USP46: variants seen among roughly 807,000 people sequenced by gnomAD.
The protein encoded by USP46 is ubiquitin specific peptidase 46.
A neutral mutation model predicts 44.4 loss-of-function variants in USP46; 12 were observed. The ratio of observed to expected loss-of-function variants is 0.27; its 90% CI spans 0.17 to 0.44. USP46 has a LOEUF of 0.44. Among genes scored for constraint, USP46 ranks in the 20% least tolerant of loss-of-function variants. The pLI is 1.00. For missense variants in USP46, 248 were observed against 444.8 expected, an observed-to-expected ratio of 0.56 and a Z score of 3.98; for synonymous variants, 155 against 161.5, an observed-to-expected ratio of 0.96 and a Z score of 0.31.
chr4:52,597,646 T>C lies in USP46; in HGVS notation c.1095A>G (p.Arg365=), dbSNP rs1460489061. ...ESGYILFYQS[R]E ...AGTCCCGCAGGTCTTTCAGTTACTC[T>C]CTTGACTGATAGAATAAAATATATC... is the stretch of plus-strand genomic sequence containing the variant. The change falls in exon 9 of 9, where the codon AGA becomes AGG. Residue 365 remains arginine, a synonymous_variant. Transcript: ENST00000441222. 6.3e-7 allele frequency: 1 copy of C among 1,578,864 alleles called. No homozygotes were observed. Among genetic ancestry groups the C allele is most frequent in the Non-Finnish European group, 8.6e-7 (1 of 1,159,376 alleles).
intron 6 of USP46, 115 bp downstream of exon 6, chr4:52,604,386 C>T (rs902242003): frequency 1.7e-4 from 134 of 806,856 alleles, no homozygotes; most frequent in Non-Finnish European, 4.0e-5. Context: ...TTCCCCAAGG[C>T]TCCATGGCTA....
At chr4:52,641,432 AAAC>A (rs1016544227) in intron 1 of USP46, among the ~76,000 whole-genome samples, 2 of 152,212 alleles carry the variant, frequency 1.3e-5, no homozygotes, top group Non-Finnish European at 2.9e-5. Flanking sequence ...ACCAAAACAC[AAAC>A]AACAATAACA....
intron 1 of USP46, among the ~76,000 whole-genome samples, chr4:52,637,638 T>C (rs967377098): frequency 1.3e-5 from 2 of 152,156 alleles, no homozygotes; most frequent in African/African-American, 2.4e-5. Context: ...TCTTTTACTC[T>C]ACTGCCACCA....
chr4:52,607,083 G>A (rs190271219), intron 5 of USP46, among the ~76,000 whole-genome samples: 1 of 152,268 alleles, frequency 6.6e-6, no homozygotes, highest in East Asian at 1.9e-4. Flanking sequence ...AATAGCCAAA[G>A]AAAGGCCAGC....
At position 52,597,486 on chromosome 4, in the gene USP46, A is replaced by T. The variant is rs2109588519; in HGVS notation, c.*154T>A. On this transcript the variant is annotated 3_prime_UTR_variant, in exon 9 of 9. Coordinates refer to ENST00000441222, the MANE Select transcript of USP46 (RefSeq NM_022832.4). Reference sequence around the variant, plus strand: ...AAACCAAGAGTAGTGCTGCATGTAAAAACACAAAAGGAGAGAGTCTAACAC... The same window carrying T: ...AAACCAAGAGTAGTGCTGCATGTAATAACACAAAAGGAGAGAGTCTAACAC... 1.6e-6 allele frequency: 1 copy of T among 616,860 alleles called. No homozygotes were observed. 38.2% of individuals were successfully genotyped at this position (616,860 alleles called of 1,614,324 possible). A position where few individuals can be genotyped will look rare whatever the true frequency, so the allele number is the denominator to read the frequency against.
At chr4:52,632,556 C>G (rs1400127420) in intron 1 of USP46, among the ~76,000 whole-genome samples, 1 of 152,070 alleles carries the variant, frequency 6.6e-6, no homozygotes, top group Non-Finnish European at 1.5e-5. Flanking sequence ...CATGGTGGCT[C>G]ACACCTGTAA....
Position 52,591,693 on chromosome 4 carries a change from C to T in USP46, c.*5947G>A, listed in dbSNP as rs1257010762. ...GAAGCTATTTTTCCTTTGTAAGCTC[C>T]TGATGTCTTTTGTTCAAATCCCTTT... On this transcript the variant is annotated 3_prime_UTR_variant, in exon 9 of 9. Coordinates refer to ENST00000441222, the MANE Select transcript of USP46 (RefSeq NM_022832.4). The T allele has an allele frequency of 6.6e-6, 1 of 152,152 alleles. No homozygotes were observed. The highest frequency in any genetic ancestry group is 2.4e-5 in the African/African-American group (1 of 41,440). 9.4% of individuals were successfully genotyped at this position (152,152 alleles called of 1,614,324 possible).
chr4:52,592,985 C>A lies in USP46; in HGVS notation c.*4655G>T. ...TCCCCCAGAACAGAAGCCTGTACAGCCCATAAAACCATGAGCCAATTAAAC... is the reference window on the plus strand; with the variant it reads ...TCCCCCAGAACAGAAGCCTGTACAGACCATAAAACCATGAGCCAATTAAAC... On this transcript the variant is annotated 3_prime_UTR_variant, in exon 9 of 9. Coordinates refer to ENST00000441222, the MANE Select transcript of USP46 (RefSeq NM_022832.4). The A allele has an allele frequency of 2.5e-6, 1 of 398,554 alleles. No individual in the cohort carries two copies. The highest frequency in any genetic ancestry group is 4.4e-6 in the Non-Finnish European group (1 of 226,078). The allele number at this position is 398,554 out of a possible 1,614,324, so 24.7% of individuals were successfully genotyped here. A position where few individuals can be genotyped will look rare whatever the true frequency, so the allele number is the denominator to read the frequency against.
At chr4:52,637,639 A>G (rs1310542104) in intron 1 of USP46, among the ~76,000 whole-genome samples, 1 of 151,956 alleles carries the variant, frequency 6.6e-6, no homozygotes, top group African/African-American at 2.4e-5. Context: ...CTTTTACTCT[A>G]CTGCCACCAG....
chr4:52,613,148 C>T (rs752715913), intron 4 of USP46, among the ~76,000 whole-genome samples: 1 of 152,118 alleles, frequency 6.6e-6, no homozygotes, highest in African/African-American at 2.4e-5. Context: ...GCTTGGGGTG[C>T]TGAGGGGGAA....
rs1230577668 is a variant in USP46 at position 52,632,973 on chromosome 4, AAAGAAAG to A, written c.37-1836_37-1830del. On this transcript the variant is annotated intron_variant, in intron 1 of 8. Transcript: ENST00000441222. ...GAAAGAAAGAAAGAAAGAAAGAAAG[AAAGAAAG>A]AAAGAAAAGAAAAGAAAGAAAGAAA... Among the ~76,000 whole-genome samples the A allele has an allele frequency of 5.3e-3, 442 of 83,738 alleles. 6 individuals are homozygous for A. Among genetic ancestry groups the A allele is most frequent in the African/African-American group, 0.013 (232 of 17,186 alleles). The allele number at this position is 83,738 out of a possible 152,430, so 54.9% of individuals were successfully genotyped here.
intron 7 of USP46, among the ~76,000 whole-genome samples, chr4:52,601,207 A>G (rs1560390377): frequency 6.6e-6 from 1 of 152,232 alleles, no homozygotes; most frequent in Non-Finnish European, 1.5e-5. Context: ...ACCTGTCCCA[A>G]CTGAGCAAAG....
chr4:52,632,994 G>GAGA (rs1717963555), intron 1 of USP46, among the ~76,000 whole-genome samples: 1 of 91,324 alleles, frequency 1.1e-5, no homozygotes, highest in African/African-American at 4.6e-5. Context: ...GAAAAGAAAA[G>GAGA]AAAGAAAGAA....
rs766828114 is a variant in USP46 at position 52,638,176 on chromosome 4, T to A, written c.37-7032A>T. On this transcript the variant is annotated intron_variant, in intron 1 of 8. Coordinates refer to ENST00000441222, the MANE Select transcript of USP46 (RefSeq NM_022832.4). Reference sequence around the variant, plus strand: ...TCTTGGATTATCCCAGGAGACACAGTATAATTACAAGTGACTTCAAGAGAG... The same window carrying A: ...TCTTGGATTATCCCAGGAGACACAGAATAATTACAAGTGACTTCAAGAGAG... 6.8e-4 allele frequency among the ~76,000 whole-genome samples: 104 copies of A among 152,208 alleles called. 1 individual carries two copies. Among genetic ancestry groups the A allele is most frequent in the Middle Eastern group, 6.8e-3 (2 of 294 alleles).
intron 4 of USP46, among the ~76,000 whole-genome samples, chr4:52,618,335 C>T (rs931242889): frequency 6.6e-6 from 1 of 152,050 alleles, no homozygotes; most frequent in Admixed American, 6.5e-5. Flanking sequence ...CTAAAAAATA[C>T]AAAAATTAAC....
intron 1 of USP46, among the ~76,000 whole-genome samples, chr4:52,651,718 G>A (rs536127127): frequency 6.6e-6 from 1 of 152,288 alleles, no homozygotes; most frequent in East Asian, 1.9e-4. Flanking sequence ...AACTCTGCAA[G>A]TCCAGCTTTG....
chr4:52,615,642 T>C (rs1717104424), intron 4 of USP46, among the ~76,000 whole-genome samples: 1 of 152,214 alleles, frequency 6.6e-6, no homozygotes, highest in Non-Finnish European at 1.5e-5. Context: ...GACCACATAT[T>C]GTATGATTCC....
intron 4 of USP46, among the ~76,000 whole-genome samples, chr4:52,620,726 G>A (rs968882194): frequency 2.0e-5 from 3 of 152,194 alleles, no homozygotes; most frequent in Non-Finnish European, 4.4e-5. Context: ...TTCTAATGAT[G>A]TTAATGAAAA....
chr4:52,627,339 A>G (rs561980669), intron 3 of USP46, among the ~76,000 whole-genome samples: 1 of 152,372 alleles, frequency 6.6e-6, no homozygotes, highest in African/African-American at 2.4e-5. Context: ...GCCATAACAA[A>G]TATCTTTATA....
Sources: gnomAD v4.1 joint callset for allele counts (sites outside exome capture counted in the v4.1 genomes callset) on GRCh38, gnomAD v4.1.1 for gene constraint, MANE v1.5 for transcripts, NCBI Gene and HGNC (gene_info 2026-07-23, HGNC 2026-07-21) for gene names.